Variants in GALNT17 observed in about 807,000 individuals in gnomAD.
The protein encoded by GALNT17 is UDP-GalNAc:polypeptide N-acetylgalactosaminyltransferase-like 3.
Under a neutral mutation model 63.7 loss-of-function variants are expected in GALNT17, and 29 were observed. That is an observed-to-expected ratio of 0.46 (90% CI 0.34 to 0.62). The LOEUF (loss-of-function observed/expected upper bound fraction) is 0.62. GALNT17 is among the 20% of genes least tolerant of loss of function. The pLI, the probability that GALNT17 is intolerant of heterozygous loss-of-function variation, is 0.01. For synonymous variants in GALNT17, 305 were observed against 318.3 expected (o/e 0.96, Z 0.45); for missense variants, 603 against 799.6 (o/e 0.75, Z 2.97).
chr7:71,414,746 A>G (rs1793494005), intron 3 of GALNT17, among the ~76,000 whole-genome samples: 1 of 152,324 alleles, frequency 6.6e-6, no homozygotes, highest in East Asian at 1.9e-4. Context: ...AGCGCTCAGC[A>G]TTCAGAATAT....
At chr7:71,571,424 C>G in intron 6 of GALNT17, 22 bp downstream of exon 6, 1 of 1,594,640 alleles carries the variant, frequency 6.3e-7, no homozygotes, top group Non-Finnish European at 8.6e-7. Context: ...GGTGTCCCTT[C>G]CTCTTGGTGT....
At chr7:71,517,019 A>G (rs1788456130) in intron 5 of GALNT17, among the ~76,000 whole-genome samples, 1 of 152,182 alleles carries the variant, frequency 6.6e-6, no homozygotes, top group Non-Finnish European at 1.5e-5. Context: ...GCCATTGCTC[A>G]GAGCTTGAAG....
chr7:71,327,715 G>T (rs1264376055), intron 1 of GALNT17, among the ~76,000 whole-genome samples: 1 of 152,162 alleles, frequency 6.6e-6, no homozygotes, highest in Non-Finnish European at 1.5e-5. Context: ...GAATGACAAG[G>T]GTTAGTGAAT....
chr7:71,514,820 A>G (rs532246558), intron 5 of GALNT17, among the ~76,000 whole-genome samples: 10 of 152,248 alleles, frequency 6.6e-5, no homozygotes, highest in African/African-American at 2.2e-4. Flanking sequence ...ACCACCTGAT[A>G]TGGTTTGGCT....
intron 5 of GALNT17, among the ~76,000 whole-genome samples, chr7:71,495,696 G>A (rs569478293): frequency 1.3e-5 from 2 of 152,294 alleles, no homozygotes; most frequent in Admixed American, 1.3e-4. Context: ...ACTGGAGGAT[G>A]CTTGATGGTC....
chr7:71,173,968 A>G (rs1250746643), intron 1 of GALNT17, among the ~76,000 whole-genome samples: 7 of 152,134 alleles, frequency 4.6e-5, no homozygotes, highest in Non-Finnish European at 8.8e-5. Context: ...AGGAGAGAAA[A>G]CTGGGAAGAG....
At chr7:71,214,777 C>T (rs1234692638) in intron 1 of GALNT17, among the ~76,000 whole-genome samples, 1 of 152,072 alleles carries the variant, frequency 6.6e-6, no homozygotes, top group East Asian at 1.9e-4. Context: ...GGGGTTTCAC[C>T]ATGTTGGCTA....
chr7:71,691,913 TTTC>T (rs1791450409), intron 9 of GALNT17, among the ~76,000 whole-genome samples: 1 of 152,072 alleles, frequency 6.6e-6, no homozygotes, highest in Non-Finnish European at 1.5e-5. Context: ...TCTTTCTCTC[TTTC>T]TTTTTTTCTT....
rs142760612 is a variant in GALNT17, at chr7:71,165,549, G to A, written c.238+32509G>A. Among the ~76,000 whole-genome samples, 297 of 152,244 alleles carry A rather than the reference G, an allele frequency of 2.0e-3. 1 individual carries two copies. The highest frequency in any genetic ancestry group is 3.1e-3 in the Non-Finnish European group (208 of 68,022). ...TCTTGTGAGATTTACTCACTGTCAC[G>A]ACAATAGCACCGGAAAGATCTGCCC... On this transcript the variant is annotated intron_variant, in intron 1 of 10. Coordinates refer to ENST00000333538, the MANE Select transcript of GALNT17 (RefSeq NM_022479.3).
intron 1 of GALNT17, among the ~76,000 whole-genome samples, chr7:71,331,246 TAAAC>T (rs564170456): frequency 1.3e-3 from 193 of 152,272 alleles, no homozygotes; most frequent in African/African-American, 4.4e-3. Context: ...TGGTATCTCT[TAAAC>T]AACCCTCAAA....
At chr7:71,605,759 T>C (rs936745319) in intron 6 of GALNT17, among the ~76,000 whole-genome samples, 1 of 152,142 alleles carries the variant, frequency 6.6e-6, no homozygotes, top group African/African-American at 2.4e-5. Context: ...ACTCTGATGG[T>C]GTTTCAAGAG....
chr7:71,367,431 A>G (rs1011449625), intron 2 of GALNT17, among the ~76,000 whole-genome samples: 1 of 152,226 alleles, frequency 6.6e-6, no homozygotes, highest in African/African-American at 2.4e-5. Flanking sequence ...TTTGGACCAC[A>G]CATCATAATG....
intron 1 of GALNT17, among the ~76,000 whole-genome samples, chr7:71,258,412 G>A (rs930377864): frequency 1.1e-4 from 17 of 152,242 alleles, no homozygotes; most frequent in Middle Eastern, 3.4e-3. Context: ...AGTTTCTTTC[G>A]TGAAGCCTTG....
At position 71,583,345 on chromosome 7, in the gene GALNT17, C is replaced by T. The variant is rs371418708; in HGVS notation, c.1080+11943C>T. On this transcript the variant is annotated intron_variant, in intron 6 of 10. Coordinates refer to ENST00000333538, the MANE Select transcript of GALNT17 (RefSeq NM_022479.3). ...TCCTGACCTCATGATCCGCCCACCT[C>T]GGCCTCCCGAAGTGCTAGGATTACA... Among the ~76,000 whole-genome samples, 11 of 152,292 alleles carry T rather than the reference C, an allele frequency of 7.2e-5. No individual in the cohort carries two copies. The East Asian group carries it at 7.7e-4, about 11-fold the overall frequency.
intron 1 of GALNT17, among the ~76,000 whole-genome samples, chr7:71,289,376 T>C (rs1346742552): frequency 6.6e-6 from 1 of 152,190 alleles, no homozygotes; most frequent in Non-Finnish European, 1.5e-5. Context: ...AGTTTGGTTT[T>C]TAAATTTTTG....
chr7:71,568,795 C>T (rs1002638057), intron 5 of GALNT17, among the ~76,000 whole-genome samples: 3 of 152,128 alleles, frequency 2.0e-5, no homozygotes, highest in Non-Finnish European at 4.4e-5. Context: ...CTACAATGCA[C>T]AATGTAATAC....
chr7:71,214,571 T>G (rs1246651811), intron 1 of GALNT17, among the ~76,000 whole-genome samples: 8 of 147,380 alleles, frequency 5.4e-5, no homozygotes, highest in African/African-American at 1.8e-4. Flanking sequence ...TGTTACTTCT[T>G]GATTTGGCTT....
chr7:71,300,746 C>T lies in GALNT17; in HGVS notation c.239-34804C>T, dbSNP rs73700687. 6.8e-3 allele frequency: 1,610 copies of T among 237,154 alleles called. 20 individuals are homozygous for T. Among genetic ancestry groups the T allele is most frequent in the African/African-American group, 0.035 (1,520 of 43,244 alleles). The allele number at this position is 237,154 out of a possible 1,614,324, so 14.7% of individuals were successfully genotyped here. A position where few individuals can be genotyped will look rare whatever the true frequency, so the allele number is the denominator to read the frequency against. On this transcript the variant is annotated intron_variant, in intron 1 of 10. Coordinates refer to ENST00000333538, the MANE Select transcript of GALNT17 (RefSeq NM_022479.3). The stretch of plus-strand genomic sequence containing the variant: ...AAACACGCCTCCCATCACTGCGTCT[C>T]CTCTCAGCTAGGACTTTCTGTTTGC...
chr7:71,198,080 C>G (rs1030790869), intron 1 of GALNT17, among the ~76,000 whole-genome samples: 3 of 151,748 alleles, frequency 2.0e-5, no homozygotes, highest in Non-Finnish European at 4.4e-5. Flanking sequence ...CTCCTGTAAT[C>G]CCAGCTACTC....
Sources: gnomAD v4.1 joint callset for allele counts (sites outside exome capture counted in the v4.1 genomes callset) on GRCh38, gnomAD v4.1.1 for gene constraint, MANE v1.5 for transcripts, NCBI Gene and HGNC (gene_info 2026-07-23, HGNC 2026-07-21) for gene names.